Variants in PCDH15 observed in about 807,000 individuals in gnomAD.
PCDH15 encodes protocadherin related 15, also known as protocadherin-15.
A neutral mutation model predicts 178.5 loss-of-function variants in PCDH15; 129 were observed. That is an observed-to-expected ratio of 0.72 (90% CI 0.63 to 0.84). PCDH15 has a LOEUF of 0.84. PCDH15 is among the 40% of genes least tolerant of loss of function. The pLI is 0.00. For synonymous variants in PCDH15, 800 were observed against 732.0 expected, an observed-to-expected ratio of 1.09 and a Z score of -1.50; for missense variants, 2,230 against 2,099.9, an observed-to-expected ratio of 1.06 and a Z score of -1.21.
chr10:55,517,816 A>G (rs182287398), intron 2 of PCDH15, among the ~76,000 whole-genome samples: 5 of 152,226 alleles, frequency 3.3e-5, no homozygotes, highest in African/African-American at 9.6e-5. Flanking sequence ...AATACAAAGG[A>G]ACATACTATT....
chr10:54,247,885 T>C (rs1190956317), intron 8 of PCDH15, among the ~76,000 whole-genome samples: 1 of 145,984 alleles, frequency 6.9e-6, no homozygotes, highest in East Asian at 2.0e-4. Flanking sequence ...AAAAGAAATA[T>C]GTATATATAT....
intron 2 of PCDH15, among the ~76,000 whole-genome samples, chr10:55,060,839 C>T (rs1362954095): frequency 6.6e-6 from 1 of 151,942 alleles, no homozygotes; most frequent in African/African-American, 2.4e-5. Context: ...GCCATTTCAA[C>T]TTAGGGCATA....
At chr10:54,235,783 A>G (rs879423371) in intron 9 of PCDH15, among the ~76,000 whole-genome samples, 1 of 152,108 alleles carries the variant, frequency 6.6e-6, no homozygotes, top group Non-Finnish European at 1.5e-5. Context: ...TCAAGCCTTC[A>G]GTTAATGAAA....
At chr10:55,338,970 T>C (rs1231155520) in intron 2 of PCDH15, among the ~76,000 whole-genome samples, 1 of 151,592 alleles carries the variant, frequency 6.6e-6, no homozygotes, top group African/African-American at 2.4e-5. Flanking sequence ...GTAGAATTAT[T>C]GTTACCAGAG....
At chr10:54,267,804 C>T (rs531202272) in intron 8 of PCDH15, among the ~76,000 whole-genome samples, 6 of 152,030 alleles carry the variant, frequency 3.9e-5, no homozygotes, top group African/African-American at 1.4e-4. Flanking sequence ...AAAAATATTA[C>T]ATGCTTATAG....
intron 1 of PCDH15, among the ~76,000 whole-genome samples, chr10:55,305,019 G>A (rs1843384089): frequency 6.6e-6 from 1 of 152,136 alleles, no homozygotes; most frequent in Admixed American, 6.6e-5. Flanking sequence ...TAAGCTCATA[G>A]TATTCCAGAA....
chr10:55,560,830 G>A (rs1459919181), intron 2 of PCDH15, among the ~76,000 whole-genome samples: 1 of 151,546 alleles, frequency 6.6e-6, no homozygotes, highest in Non-Finnish European at 1.5e-5. Context: ...GCTATTAATA[G>A]ATAAAGACTA....
At chr10:54,857,059 C>A (rs947786734) in intron 3 of PCDH15, among the ~76,000 whole-genome samples, 2 of 152,126 alleles carry the variant, frequency 1.3e-5, no homozygotes, top group Admixed American at 6.6e-5. Context: ...CAGAACTAAT[C>A]TGCAGGTCGT....
intron 25 of PCDH15, among the ~76,000 whole-genome samples, chr10:53,931,092 A>G (rs1055802044): frequency 6.6e-6 from 1 of 152,210 alleles, no homozygotes; most frequent in African/African-American, 2.4e-5. Context: ...AGAATGAAAA[A>G]TCAACACCTA....
intron 2 of PCDH15, among the ~76,000 whole-genome samples, chr10:55,367,398 T>C (rs77201791): frequency 1.3e-5 from 2 of 151,714 alleles, no homozygotes; most frequent in Non-Finnish European, 2.9e-5. Context: ...CTAGGAAACA[T>C]AGGGAGGCCC....
chr10:54,026,808 C>G (rs2093112750), intron 18 of PCDH15, among the ~76,000 whole-genome samples: 2 of 152,118 alleles, frequency 1.3e-5, no homozygotes, highest in African/African-American at 4.8e-5. Flanking sequence ...TAAGAGCTAT[C>G]TATGACAAAC....
intron 3 of PCDH15, among the ~76,000 whole-genome samples, chr10:54,391,314 T>G (rs1185416734): frequency 2.6e-5 from 4 of 152,114 alleles, no homozygotes. Flanking sequence ...ATCTCCCACC[T>G]CCACGAAAGG....
At chr10:54,280,733 T>A (rs953827352) in intron 8 of PCDH15, among the ~76,000 whole-genome samples, 5 of 151,840 alleles carry the variant, frequency 3.3e-5, no homozygotes, top group Admixed American at 1.3e-4. Context: ...CACTGTCGGC[T>A]TTTCGTAGAT....
chr10:55,281,991 T>C (rs763311975), intron 1 of PCDH15, among the ~76,000 whole-genome samples: 2 of 152,200 alleles, frequency 1.3e-5, no homozygotes, highest in Non-Finnish European at 1.5e-5. Flanking sequence ...CCTGGACTAA[T>C]GAAATAGCTT....
At chr10:54,038,218 G>T (rs2093463161) in intron 18 of PCDH15, among the ~76,000 whole-genome samples, 1 of 151,846 alleles carries the variant, frequency 6.6e-6, no homozygotes, top group Non-Finnish European at 1.5e-5. Context: ...AATACTGTCT[G>T]ATTTATTTAT....
At position 54,245,846 on chromosome 10, in the gene PCDH15, G is replaced by C. The variant is rs192407035; in HGVS notation, c.877-8915C>G. Among the ~76,000 whole-genome samples the C allele has an allele frequency of 7.6e-3, 1,157 of 152,032 alleles. 5 individuals are homozygous for C. The highest frequency in any genetic ancestry group is 0.01 in the Middle Eastern group (3 of 294). ...TACATAAATATTGAGAGATATGCTC[G>C]GAGATGTGTTGAGAAGGATATTCAT... On this transcript the variant is annotated intron_variant, in intron 8 of 37. Transcript: ENST00000644397.
intron 1 of PCDH15, among the ~76,000 whole-genome samples, chr10:55,312,787 T>C (rs1843621082): frequency 6.6e-6 from 1 of 152,116 alleles, no homozygotes; most frequent in African/African-American, 2.4e-5. Context: ...CCAGCTAATT[T>C]TGCATTTTTA....
At chr10:54,440,600 C>T (rs560566314) in intron 3 of PCDH15, among the ~76,000 whole-genome samples, 4 of 151,796 alleles carry the variant, frequency 2.6e-5, no homozygotes, top group African/African-American at 9.7e-5. Context: ...ATTTAAAATG[C>T]CCTTCTTGAA....
intron 10 of PCDH15, among the ~76,000 whole-genome samples, chr10:54,203,740 G>A (rs10740577): frequency 0.9 from 136,802 of 152,148 alleles, 61,663 homozygotes; most frequent in East Asian, 0.98. Context: ...ATACAAGGGT[G>A]TAATTTTTCC....
Sources: gnomAD v4.1 joint callset for allele counts (sites outside exome capture counted in the v4.1 genomes callset) on GRCh38, gnomAD v4.1.1 for gene constraint, MANE v1.5 for transcripts, NCBI Gene and HGNC (gene_info 2026-07-23, HGNC 2026-07-21) for gene names.